Variants in BRCA1 observed in about 807,000 individuals in gnomAD.
The protein encoded by BRCA1 is breast cancer type 1 susceptibility protein.
A neutral mutation model predicts 173.7 loss-of-function variants in BRCA1; 140 were observed. The observed-to-expected ratio is 0.81, with a 90% CI of 0.70 to 0.93. The LOEUF (loss-of-function observed/expected upper bound fraction) is 0.93. Among genes scored for constraint, BRCA1 ranks in the 40% least tolerant of loss-of-function variants. The probability of loss-of-function intolerance (pLI) is 0.00; values close to 1 mark genes in which losing one functional copy is unlikely to be tolerated. For missense variants in BRCA1, 1,983 were observed against 2,172.5 expected (o/e 0.91, Z 1.73); for synonymous variants, 662 against 756.0 (o/e 0.88, Z 2.04).
At chr17:43,145,480 T>C (rs1396269243) in intron 1 of BRCA1, among the ~76,000 whole-genome samples, 2 of 151,850 alleles carry the variant, frequency 1.3e-5, no homozygotes, top group Non-Finnish European at 2.9e-5. Flanking sequence ...GCGCCCACCA[T>C]CACGCCCGGC....
At chr17:43,060,727 G>A (rs1021733078) in intron 18 of BRCA1, among the ~76,000 whole-genome samples, 7 of 150,698 alleles carry the variant, frequency 4.6e-5, no homozygotes, top group East Asian at 4.0e-4. Flanking sequence ...GGCTGGTCTC[G>A]AACTCCTGAC....
intron 3 of BRCA1, among the ~76,000 whole-genome samples, chr17:43,114,339 G>A (rs1257090096): frequency 6.6e-6 from 1 of 150,986 alleles, no homozygotes; most frequent in East Asian, 1.9e-4. Flanking sequence ...TAAATTGAAA[G>A]CCCCAGGGCT....
chr17:43,071,099 C>T lies in BRCA1; in HGVS notation c.4815G>A (p.Leu1605=), dbSNP rs1060504589. The change falls in exon 15 of 23, where the codon TTG becomes TTA. Residue 1605 remains leucine (L), a synonymous_variant. Coordinates refer to ENST00000357654, the MANE Select transcript of BRCA1 (RefSeq NM_007294.4). ...GACTCTGGGCAGATTCTGCAACTTT[C>T]AATTGGGGAACTTTCAATGCAGAGG... ...SSTSALKVPQ[L]KVAESAQSPA... 1.2e-6 allele frequency: 2 copies of T among 1,614,090 alleles called. No homozygotes were observed. The highest frequency in any genetic ancestry group is 3.3e-5 in the Admixed American group (2 of 59,980).
chr17:43,166,985 T>C (rs1452630913), intron 1 of BRCA1: 1 of 152,266 alleles, frequency 6.6e-6, no homozygotes, highest in Admixed American at 6.5e-5. Context: ...CTTACCAAGT[T>C]TTAGATGTCC....
At chr17:43,143,944 G>T (rs779111050) in intron 1 of BRCA1, among the ~76,000 whole-genome samples, 9 of 152,178 alleles carry the variant, frequency 5.9e-5, no homozygotes, top group Non-Finnish European at 1.0e-4. Flanking sequence ...AACCAGGCCG[G>T]GTGCGGTGGC....
At chr17:43,126,859 C>T (rs1412381251), upstream of BRCA1, among the ~76,000 whole-genome samples, 1 of 152,100 alleles carries the variant, frequency 6.6e-6, no homozygotes, top group East Asian at 1.9e-4. Flanking sequence ...GGTGTGGGAA[C>T]TGGGGCTGCG....
chr17:43,163,265 T>C lies in BRCA1; in HGVS notation c.-20+6861A>G, dbSNP rs546657707. 14 of 152,360 alleles carry C rather than the reference T, an allele frequency of 9.2e-5. 1 individual carries two copies. The South Asian group carries it at 2.9e-3, about 32-fold the overall frequency. The allele number at this position is 152,360 out of a possible 1,614,324, so 9.4% of individuals were successfully genotyped here. On this transcript the variant is annotated intron_variant, in intron 1 of 7. Coordinates refer to the BRCA1 transcript ENST00000634433. ...ACTGGCCTTGGCCAGGGCCTCACAG[T>C]ATGGGTTAAAACTCCAACTGCCATT...
At chr17:43,048,830 T>C (rs1017620987) in intron 21 of BRCA1, among the ~76,000 whole-genome samples, 1 of 152,104 alleles carries the variant, frequency 6.6e-6, no homozygotes, top group Non-Finnish European at 1.5e-5. Context: ...CAGCCCATCA[T>C]TTCTTGATGA....
intron 11 of BRCA1, 129 bp from the exon 12 acceptor site, chr17:43,082,704 A>G (rs2154166933): frequency 1.0e-6 from 1 of 977,486 alleles, no homozygotes; most frequent in South Asian, 1.4e-5. Context: ...TACAAGTTCT[A>G]GCTGAACACC....
intron 18 of BRCA1, 118 bp from the exon 19 acceptor site, chr17:43,057,253 T>C (rs2051540975): frequency 2.7e-5 from 25 of 929,368 alleles, no homozygotes; most frequent in Middle Eastern, 3.1e-4. Flanking sequence ...CTCACCCCTG[T>C]AATCCTAGCA....
chr17:43,082,493 C>T lies in BRCA1; in HGVS notation c.4268G>A (p.Ser1423Asn), dbSNP rs876660129. The T allele has an allele frequency of 6.2e-7, 1 of 1,614,162 alleles. No individual in the cohort carries two copies. Among genetic ancestry groups the T allele is most frequent in the Non-Finnish European group, 8.5e-7 (1 of 1,179,994 alleles). The stretch of plus-strand genomic sequence containing the variant: ...GGAAGGGTAGCTGTTAGAAGGCTGG[C>T]TCCCATGCTGTTCTAACACAGCTTC... The part of the protein sequence containing the change: ...ELEAVLEQHG[S>N]QPSNSYPSII... Residue 1423 changes from serine (S) to asparagine (N), a missense_variant, in exon 12 of 23, where the codon AGC becomes AAC. Physicochemically the swap from Ser to Asn is conservative, Grantham distance 46. Coordinates refer to ENST00000357654, the MANE Select transcript of BRCA1 (RefSeq NM_007294.4).
In BRCA1 at chr17:43,091,516, C is replaced by T. The variant is rs80357021; in HGVS notation, c.4015G>A (p.Glu1339Lys). The T allele has an allele frequency of 6.2e-7, 1 of 1,613,866 alleles. No homozygotes were observed. The highest frequency in any genetic ancestry group is 8.5e-7 in the Non-Finnish European group (1 of 1,179,796). The change falls in exon 10 of 23, where the codon GAA becomes AAA. Residue 1339 changes from glutamate (E) to lysine (K), a missense_variant. Glu to Lys is a moderately conservative substitution (Grantham distance 56). Transcript: ENST00000357654. The stretch of plus-strand genomic sequence containing the variant: ...CTTTCTTCATCATCTGAAACCAATT[C>T]CTTGTCACTCAGACCAACTCCCTGG... ...ESQGVGLSDK[E>K]LVSDDEERGT...
rs142383077 is a variant in BRCA1, at chr17:43,091,674, C to G, written c.3857G>C (p.Ser1286Thr). 2 of 1,614,110 alleles carry G rather than the reference C, an allele frequency of 1.2e-6. No homozygotes were observed. Among genetic ancestry groups the G allele is most frequent in the African/African-American group, 1.3e-5 (1 of 74,948 alleles). ...LAKASQEHHL[S>T]EETKCSASLF... Reference sequence around the variant, plus strand: ...GCTAGCAGAACATTTTGTTTCCTCACTAAGGTGATGTTCCTGAGATGCCTT... The same window carrying G: ...GCTAGCAGAACATTTTGTTTCCTCAGTAAGGTGATGTTCCTGAGATGCCTT... Residue 1286 changes from serine to threonine, a missense_variant, in exon 10 of 23, where the codon AGT (serine) becomes ACT (threonine). Coordinates refer to ENST00000357654, the MANE Select transcript of BRCA1 (RefSeq NM_007294.4).
At chr17:43,072,162 C>T (rs531991066) in intron 14 of BRCA1, among the ~76,000 whole-genome samples, 10 of 151,648 alleles carry the variant, frequency 6.6e-5, no homozygotes, top group African/African-American at 1.2e-4. Flanking sequence ...CCAAGGTGGG[C>T]GGATCACCTG....
At chr17:43,126,250 T>C (rs1404023590), upstream of BRCA1, among the ~76,000 whole-genome samples, 1 of 152,194 alleles carries the variant, frequency 6.6e-6, no homozygotes, top group Non-Finnish European at 1.5e-5. Flanking sequence ...TTGCCCCGTC[T>C]CCGTCGACGC....
At chr17:43,130,552 G>A (rs2055956994) in intron 1 of BRCA1, among the ~76,000 whole-genome samples, 1 of 152,128 alleles carries the variant, frequency 6.6e-6, no homozygotes, top group Non-Finnish European at 1.5e-5. Context: ...GGACTCAAGC[G>A]ATCTGCCTGC....
chr17:43,078,898 T>C (rs998123520), intron 12 of BRCA1, among the ~76,000 whole-genome samples: 3 of 152,018 alleles, frequency 2.0e-5, no homozygotes, highest in Admixed American at 6.6e-5. Flanking sequence ...GAATTAACCA[T>C]TGGAAAGAGT....
chr17:43,125,088 C>A (rs539733232), intron 1 of BRCA1, 183 bp downstream of exon 1: 5 of 447,912 alleles, frequency 1.1e-5, no homozygotes, highest in South Asian at 7.9e-5. Context: ...TGATCCTCAG[C>A]GCTTCCCTCG....
intron 6 of BRCA1, among the ~76,000 whole-genome samples, chr17:43,103,526 G>A (rs1179330060): frequency 6.6e-6 from 1 of 150,834 alleles, no homozygotes; most frequent in Non-Finnish European, 1.5e-5. Context: ...ATCTTGCTAT[G>A]TTGCCTGGGC....
Sources: allele counts gnomAD v4.1 joint callset (sites outside exome capture counted in the v4.1 genomes callset), GRCh38; gene constraint gnomAD v4.1.1; transcripts MANE v1.5; gene names NCBI Gene and HGNC (gene_info 2026-07-23, HGNC 2026-07-21).